Variants in ESRRG observed in about 807,000 individuals in gnomAD.
The protein encoded by ESRRG is estrogen related receptor gamma.
A neutral mutation model predicts 44.0 loss-of-function variants in ESRRG; 13 were observed. The ratio of observed to expected loss-of-function variants is 0.30; its 90% CI spans 0.19 to 0.47. The LOEUF (loss-of-function observed/expected upper bound fraction) is 0.47. Ranked by LOEUF, ESRRG falls within the 20% of genes least tolerant of loss-of-function variation. The pLI is 1.00. For synonymous variants in ESRRG, 215 were observed against 214.6 expected (o/e 1.00, Z -0.02); for missense variants, 395 against 580.6 (o/e 0.68, Z 3.29).
chr1:216,724,662 T>A (rs1302252516), upstream of ESRRG, among the ~76,000 whole-genome samples: 1 of 152,020 alleles, frequency 6.6e-6, no homozygotes, highest in Non-Finnish European at 1.5e-5. Context: ...GAATTCTCAA[T>A]CAAAAGTGTT....
intron 2 of ESRRG, among the ~76,000 whole-genome samples, chr1:216,826,649 A>G (rs998542034): frequency 2.0e-5 from 3 of 152,060 alleles, no homozygotes; most frequent in Non-Finnish European, 4.4e-5. Flanking sequence ...CATTGACTCT[A>G]TTTTTCAGAT....
At chr1:217,026,057 T>G (rs2081129939) in intron 1 of ESRRG, among the ~76,000 whole-genome samples, 1 of 152,220 alleles carries the variant, frequency 6.6e-6, no homozygotes, top group Non-Finnish European at 1.5e-5. Context: ...TTTTATCCAC[T>G]GAGGTCACCC....
chr1:216,931,434 C>T (rs2149821773), intron 2 of ESRRG, among the ~76,000 whole-genome samples: 1 of 152,304 alleles, frequency 6.6e-6, no homozygotes, highest in South Asian at 2.1e-4. Context: ...ACTGCTCCTT[C>T]CTTATTCTGG....
At chr1:217,102,196 A>G (rs1440028371) in intron 1 of ESRRG, among the ~76,000 whole-genome samples, 2 of 152,148 alleles carry the variant, frequency 1.3e-5, no homozygotes, top group African/African-American at 4.8e-5. Context: ...ACCTTATGCA[A>G]TAGGTGTTGT....
intron 2 of ESRRG, among the ~76,000 whole-genome samples, chr1:216,667,813 A>G (rs2151339607): frequency 6.6e-6 from 1 of 152,196 alleles, no homozygotes; most frequent in South Asian, 2.1e-4. Context: ...CTTAAAATAA[A>G]TAAGGCTGGG....
intron 3 of ESRRG, among the ~76,000 whole-genome samples, chr1:216,600,898 T>C (rs2150141719): frequency 6.6e-6 from 1 of 152,310 alleles, no homozygotes; most frequent in East Asian, 1.9e-4. Context: ...GGCTGCATCC[T>C]GTTTCCCGGA....
rs535687187 is a variant in ESRRG at position 216,679,504 on chromosome 1, T to G, written c.57-2013A>C. On this transcript the variant is annotated intron_variant, in intron 1 of 6. Coordinates refer to ENST00000408911, the MANE Select transcript of ESRRG (RefSeq NM_001438.4). ...TATGATCTTAGACTAGAGTTAGAAG[T>G]TTTTAGGGTACTAAACCATGCTTGC... Among the ~76,000 whole-genome samples, 14 of 152,244 alleles carry G rather than the reference T, an allele frequency of 9.2e-5. 1 individual carries two copies. The South Asian group carries it at 2.9e-3, about 32-fold the overall frequency.
intron 3 of ESRRG, among the ~76,000 whole-genome samples, chr1:216,635,522 A>G (rs2150782809): frequency 6.6e-6 from 1 of 152,322 alleles, no homozygotes; most frequent in East Asian, 1.9e-4. Flanking sequence ...GTGCAAAAGT[A>G]ACTGTAGATG....
In ESRRG at chr1:217,124,951, A is replaced by G. The variant is rs548917889; in HGVS notation, c.-230+12716T>C. Among the ~76,000 whole-genome samples, 29 of 152,310 alleles carry G rather than the reference A, an allele frequency of 1.9e-4. 2 individuals carry two copies. In the South Asian group the frequency reaches 6.0e-3, roughly 32 times the overall value. On this transcript the variant is annotated intron_variant, in intron 1 of 8. Transcript: ENST00000366940. ...CCAAATGGTCTAAAATGGCCTCAGA[A>G]TTCCTGAAGGATGCTAAAACAACCC...
chr1:216,811,839 G>A (rs192921783), intron 2 of ESRRG, among the ~76,000 whole-genome samples: 1 of 152,288 alleles, frequency 6.6e-6, no homozygotes, highest in Admixed American at 6.5e-5. Flanking sequence ...TTTAAGCCTA[G>A]TGATGGCTAA....
rs561151790 is a variant in ESRRG at position 216,834,882 on chromosome 1, G to A, written c.-14+104700C>T. 1.1e-3 allele frequency among the ~76,000 whole-genome samples: 160 copies of A among 152,314 alleles called. 1 individual carries two copies. The highest frequency in any genetic ancestry group is 2.0e-3 in the Non-Finnish European group (134 of 68,034). On this transcript the variant is annotated intron_variant, in intron 2 of 7. Coordinates refer to the ESRRG transcript ENST00000359162. ...GCCATTAAATACAGCAGAAAGCACT[G>A]AGACAGTCAGCGGTTTTGGTGATTG...
At chr1:216,762,006 T>C (rs2092804088) in intron 2 of ESRRG, among the ~76,000 whole-genome samples, 1 of 152,158 alleles carries the variant, frequency 6.6e-6, no homozygotes, top group African/African-American at 2.4e-5. Flanking sequence ...CTTTGCCAAG[T>C]GCTTTAGACC....
chr1:216,860,934 C>A (rs914903791), intron 2 of ESRRG, among the ~76,000 whole-genome samples: 1 of 151,918 alleles, frequency 6.6e-6, no homozygotes, highest in African/African-American at 2.4e-5. Context: ...TATGTAAGAG[C>A]AAAACGTGAA....
At chr1:216,926,476 C>A (rs886533998) in intron 2 of ESRRG, among the ~76,000 whole-genome samples, 5 of 151,546 alleles carry the variant, frequency 3.3e-5, no homozygotes, top group Non-Finnish European at 7.4e-5. Flanking sequence ...AAATGTGAAT[C>A]CATGGAGTCC....
intron 1 of ESRRG, among the ~76,000 whole-genome samples, chr1:216,688,054 T>TGA (rs1302172699): frequency 1.3e-5 from 2 of 150,680 alleles, no homozygotes; most frequent in African/African-American, 4.9e-5. Flanking sequence ...GTGAAAAGGG[T>TGA]GAGAAAAAAA....
chr1:216,992,454 G>C (rs186776927), intron 1 of ESRRG, among the ~76,000 whole-genome samples: 7 of 152,288 alleles, frequency 4.6e-5, no homozygotes, highest in Non-Finnish European at 8.8e-5. Context: ...TAAGCTTCCT[G>C]AGGGCAAAGA....
chr1:216,561,096 A>G (rs1233436165), intron 5 of ESRRG, among the ~76,000 whole-genome samples: 1 of 152,112 alleles, frequency 6.6e-6, no homozygotes, highest in African/African-American at 2.4e-5. Flanking sequence ...TTTCCCATTT[A>G]TATGATTTAT....
intron 5 of ESRRG, among the ~76,000 whole-genome samples, chr1:216,562,658 C>G (rs2058995907): frequency 6.6e-6 from 1 of 151,982 alleles, no homozygotes; most frequent in South Asian, 2.1e-4. Flanking sequence ...ACAATTATCT[C>G]GTCCCAAATA....
At chr1:216,856,854 T>C (rs959920416) in intron 2 of ESRRG, among the ~76,000 whole-genome samples, 1 of 152,174 alleles carries the variant, frequency 6.6e-6, no homozygotes, top group Non-Finnish European at 1.5e-5. Flanking sequence ...AGCCAACTCA[T>C]ACATTAATCA....
Sources: gnomAD v4.1 joint callset for allele counts (sites outside exome capture counted in the v4.1 genomes callset) on GRCh38, gnomAD v4.1.1 for gene constraint, MANE v1.5 for transcripts, NCBI Gene and HGNC (gene_info 2026-07-23, HGNC 2026-07-21) for gene names.